DHRSX: variants seen among roughly 807,000 people sequenced by gnomAD.
DHRSX encodes the protein polyprenol dehydrogenase.
DHRSX carries 31 observed loss-of-function variants against 34.0 expected under a neutral mutation model. The observed-to-expected ratio is 0.91, with a 90% CI of 0.69 to 1.23. The LOEUF (loss-of-function observed/expected upper bound fraction) is 1.23, where lower values mean the gene tolerates loss of function less well. Ranked by LOEUF, DHRSX falls within the 50% of genes most tolerant of loss-of-function variation. DHRSX has a pLI of 0.00. For synonymous variants in DHRSX, 201 were observed against 183.8 expected, an observed-to-expected ratio of 1.09 and a Z score of -0.76; for missense variants, 414 against 428.1, an observed-to-expected ratio of 0.97 and a Z score of 0.29.
chrX:2,493,335 TTATTATTTGGCTGAAACAGGTTTTGG>T (rs1188758592), intron 1 of DHRSX, among the ~76,000 whole-genome samples: 2 of 151,882 alleles, frequency 1.3e-5, no homozygotes, highest in African/African-American at 4.8e-5. Flanking sequence ...CATCATCATA[TTATTATTTGGCTGAAACAGGTTTTGG>T]TAATTGGGAG....
intron 3 of DHRSX, among the ~76,000 whole-genome samples, chrX:2,378,827 C>T (rs189544076): frequency 3.9e-5 from 6 of 152,098 alleles, no homozygotes; most frequent in East Asian, 1.9e-4. Flanking sequence ...CGCACCACCA[C>T]GCCTGGCTAC....
At chrX:2,303,312 G>C (rs1463324171) in intron 3 of DHRSX, among the ~76,000 whole-genome samples, 1 of 152,136 alleles carries the variant, frequency 6.6e-6, no homozygotes, top group Admixed American at 6.6e-5. Context: ...AGTGTTGGAG[G>C]AGTGGCCTGG....
chrX:2,379,629 G>A lies in DHRSX; in HGVS notation c.286+29116C>T, dbSNP rs964032716. On this transcript the variant is annotated intron_variant, in intron 3 of 6. Transcript: ENST00000334651. ...TTTTTTTTTTTTTTTTAATGATGCT[G>A]CTGTTTCTTAAAATGGGCTTTGAGT... Among the ~76,000 whole-genome samples the A allele has an allele frequency of 2.4e-3, 320 of 131,996 alleles. 2 individuals carry two copies. The highest frequency in any genetic ancestry group is 4.1e-3 in the Non-Finnish European group (254 of 61,930). The allele number at this position is 131,996 out of a possible 152,430, so 86.6% of individuals were successfully genotyped here.
At chrX:2,250,801 C>T (rs889228252) in intron 5 of DHRSX, among the ~76,000 whole-genome samples, 16 of 152,114 alleles carry the variant, frequency 1.1e-4, no homozygotes, top group Non-Finnish European at 8.8e-5. Flanking sequence ...CCTCATGTTA[C>T]GCAGCCCCTA....
intron 6 of DHRSX, among the ~76,000 whole-genome samples, chrX:2,235,647 G>C (rs761856653): frequency 1.4e-5 from 2 of 147,710 alleles, no homozygotes; most frequent in South Asian, 4.3e-4. Flanking sequence ...GGAGGCTGAG[G>C]CAGGAGAATG....
Position 2,436,510 on chromosome X carries a change from T to TG in DHRSX, c.110-11207_110-11206insC, listed in dbSNP as rs1965011401. Among the ~76,000 whole-genome samples, 3 of 150,150 alleles carry TG rather than the reference T, an allele frequency of 2.0e-5. No individual in the cohort carries two copies. The Admixed American group carries it at 2.0e-4, about 10-fold the overall frequency. On this transcript the variant is annotated intron_variant, in intron 1 of 6. Transcript: ENST00000334651. Reference sequence around the variant, plus strand: ...TTATTATTATTATTACTACTACTACTACTGATAGGGTCTTGCTCTGTCACC... The same window carrying TG: ...TTATTATTATTATTACTACTACTACTGACTGATAGGGTCTTGCTCTGTCACC...
chrX:2,243,090 T>C lies in DHRSX; in HGVS notation c.737A>G (p.Asp246Gly). ...GGCCCAGAACACGTGCTTGTAGACG[T>C]CCGTGTTGACCACCCCGGGGTCCAC... ...NVVDPGVVNT[D>G]VYKHVFWATR... Residue 246 changes from aspartate to glycine, a missense_variant, in exon 6 of 7, where the codon GAC becomes GGC. By Grantham distance (94) the Asp-to-Gly change is moderately conservative. Transcript: ENST00000334651. 6.2e-7 allele frequency: 1 copy of C among 1,613,572 alleles called. No homozygotes were observed. Among genetic ancestry groups the C allele is most frequent in the Non-Finnish European group, 8.5e-7 (1 of 1,179,780 alleles).
intron 5 of DHRSX, among the ~76,000 whole-genome samples, chrX:2,256,297 T>C (rs1209501304): frequency 6.7e-6 from 1 of 150,374 alleles, no homozygotes; most frequent in African/African-American, 2.5e-5. Flanking sequence ...CTGCCCTTTT[T>C]TTTCTTTTTT....
At chrX:2,319,212 C>T (rs2042276863) in intron 3 of DHRSX, among the ~76,000 whole-genome samples, 2 of 129,960 alleles carry the variant, frequency 1.5e-5, no homozygotes, top group African/African-American at 2.8e-5. Flanking sequence ...TTCGTCCCCC[C>T]TCCTCCCCCC....
At chrX:2,314,451 A>G (rs2042213250) in intron 3 of DHRSX, among the ~76,000 whole-genome samples, 1 of 98,282 alleles carries the variant, frequency 1.0e-5, no homozygotes, top group Non-Finnish European at 1.8e-5. Context: ...GGAAGGGGAG[A>G]AGGGAGGAAG....
chrX:2,407,400 GC>G (rs2043569945), intron 3 of DHRSX, among the ~76,000 whole-genome samples: 1 of 152,110 alleles, frequency 6.6e-6, no homozygotes. Context: ...AATGACAAAG[GC>G]CTTGAGTCAA....
intron 3 of DHRSX, among the ~76,000 whole-genome samples, chrX:2,304,078 TG>T (rs2042060775): frequency 7.0e-6 from 1 of 143,124 alleles, no homozygotes; most frequent in South Asian, 2.3e-4. Context: ...GATGGATGGA[TG>T]GGTGGGTGGG....
chrX:2,312,013 G>A (rs1209560671), intron 3 of DHRSX, among the ~76,000 whole-genome samples: 2 of 152,084 alleles, frequency 1.3e-5, no homozygotes, highest in Non-Finnish European at 2.9e-5. Context: ...GAAAAAGTGG[G>A]GAAAATCCAA....
intron 3 of DHRSX, among the ~76,000 whole-genome samples, chrX:2,373,624 T>G (rs2043106084): frequency 6.6e-6 from 1 of 152,028 alleles, no homozygotes. Flanking sequence ...GAGTTATAAA[T>G]TATCAGGTTG....
At chrX:2,333,933 C>G (rs2042516574) in intron 3 of DHRSX, among the ~76,000 whole-genome samples, 1 of 152,100 alleles carries the variant, frequency 6.6e-6, no homozygotes, top group African/African-American at 2.4e-5. Flanking sequence ...AGATCTTGTT[C>G]TTTTTTACAG....
chrX:2,374,131 C>T (rs2043113041), intron 3 of DHRSX, among the ~76,000 whole-genome samples: 1 of 152,160 alleles, frequency 6.6e-6, no homozygotes, highest in Non-Finnish European at 1.5e-5. Context: ...AATGGAGTCT[C>T]ACTATGTTGC....
chrX:2,291,406 T>C (rs2022607661), intron 4 of DHRSX, 96 bp downstream of exon 4: 1 of 908,476 alleles, frequency 1.1e-6, no homozygotes, highest in South Asian at 1.4e-5. Context: ...CCCATGGATA[T>C]CCTGTTTTGC....
chrX:2,276,989 GAA>G (rs2041673365), intron 4 of DHRSX, among the ~76,000 whole-genome samples: 1 of 19,550 alleles, frequency 5.1e-5, no homozygotes, highest in Non-Finnish European at 1.2e-4. Context: ...GGAAGAGAGA[GAA>G]AGAGAGATGG....
chrX:2,361,043 G>C (rs1569493660), intron 3 of DHRSX, among the ~76,000 whole-genome samples: 1 of 152,156 alleles, frequency 6.6e-6, no homozygotes, highest in East Asian at 1.9e-4. Context: ...CCTACTGGCT[G>C]GCTGGAGCGT....
Sources: gnomAD v4.1 joint callset for allele counts (sites outside exome capture counted in the v4.1 genomes callset) on GRCh38, gnomAD v4.1.1 for gene constraint, MANE v1.5 for transcripts, NCBI Gene and HGNC (gene_info 2026-07-23, HGNC 2026-07-21) for gene names.